TANK: variants seen among roughly 807,000 people sequenced by gnomAD.
The protein encoded by TANK is TRAF family member-associated NF-kappa-B activator.
TANK carries 15 observed loss-of-function variants against 43.6 expected under a neutral mutation model. The ratio of observed to expected loss-of-function variants is 0.34; its 90% CI spans 0.23 to 0.53. The LOEUF is 0.53. Ranked by LOEUF, TANK falls within the 20% of genes least tolerant of loss-of-function variation. TANK has a pLI of 0.94. For missense variants in TANK, 417 were observed against 498.6 expected, an observed-to-expected ratio of 0.84 and a Z score of 1.56; for synonymous variants, 162 against 178.2, an observed-to-expected ratio of 0.91 and a Z score of 0.73.
In TANK at chr2:161,209,976, T is replaced by G. The variant is rs1463719147; in HGVS notation, c.327+5183T>G. ...GTTTATGTGTTCTCATGTCTATATA[T>G]TTCTAATTTGTTCTTTAAACATGTC... is the stretch of plus-strand genomic sequence containing the variant. On this transcript the variant is annotated intron_variant, in intron 4 of 7. Transcript: ENST00000392749. Among the ~76,000 whole-genome samples the G allele has an allele frequency of 2.6e-5, 4 of 152,216 alleles. No homozygotes were observed. The East Asian group carries it at 7.7e-4, about 29-fold the overall frequency.
chr2:161,143,786 G>A (rs1230939643), intron 1 of TANK, among the ~76,000 whole-genome samples: 1 of 151,980 alleles, frequency 6.6e-6, no homozygotes, highest in Non-Finnish European at 1.5e-5. Context: ...TTTTTTTGTT[G>A]TGTCTCTGCC....
chr2:161,159,034 A>G (rs1230589792), upstream of TANK: 1 of 152,226 alleles, frequency 6.6e-6, no homozygotes, highest in African/African-American at 2.4e-5. Flanking sequence ...AATCCAGAAC[A>G]CTTACAACAC....
intron 2 of TANK, among the ~76,000 whole-genome samples, chr2:161,192,734 C>T (rs181108013): frequency 6.6e-6 from 1 of 152,316 alleles, no homozygotes; most frequent in East Asian, 1.9e-4. Flanking sequence ...GGAAAATTAA[C>T]ATTTAATGAA....
At chr2:161,212,077 T>A in intron 4 of TANK, 1 of 743,254 alleles carries the variant, frequency 1.3e-6, no homozygotes, top group South Asian at 6.2e-5. Context: ...TTTTTTTTTT[T>A]TGAGACAGGG....
intron 4 of TANK, among the ~76,000 whole-genome samples, chr2:161,205,884 A>G (rs1239984248): frequency 1.3e-5 from 2 of 152,052 alleles, no homozygotes; most frequent in Non-Finnish European, 2.9e-5. Flanking sequence ...GCTCACTGCA[A>G]CCTCCACCTC....
At position 161,182,917 on chromosome 2, in the gene TANK, G is replaced by C. The variant is rs116527900; in HGVS notation, c.99+3156G>C. Among the ~76,000 whole-genome samples the C allele has an allele frequency of 5.1e-3, 783 of 152,250 alleles. 7 individuals carry two copies. The highest frequency in any genetic ancestry group is 0.017 in the African/African-American group (724 of 41,552). ...GAGTCCTGTCTTCAGCAAGTGAGAG[G>C]AGGGCAGGAGAAGGTTAGAGAGACT... On this transcript the variant is annotated intron_variant, in intron 2 of 7. Coordinates refer to ENST00000392749, the MANE Select transcript of TANK (RefSeq NM_001199135.3).
intron 5 of TANK, 34 bp from the exon 6 acceptor site, chr2:161,224,597 C>A: frequency 1.9e-6 from 2 of 1,080,670 alleles, no homozygotes; most frequent in Non-Finnish European, 2.7e-6. Flanking sequence ...GAAGTTATAG[C>A]TTTACATTTT....
At chr2:161,140,357 C>T (rs1465352387) in intron 1 of TANK, among the ~76,000 whole-genome samples, 2 of 152,064 alleles carry the variant, frequency 1.3e-5, no homozygotes, top group Non-Finnish European at 1.5e-5. Context: ...TTAGAAATTA[C>T]TCTTTTTAAA....
chr2:161,223,616 T>G (rs989639515), intron 4 of TANK: 3 of 199,118 alleles, frequency 1.5e-5, no homozygotes, highest in Non-Finnish European at 3.0e-5. Context: ...AGAGCAGCAA[T>G]TTTGATCAAT....
chr2:161,183,274 A>AT (rs368333534), intron 2 of TANK, among the ~76,000 whole-genome samples: 369 of 152,328 alleles, frequency 2.4e-3, no homozygotes, highest in African/African-American at 8.3e-3. Flanking sequence ...GTAAGTCTTC[A>AT]TTAGGGGTGG....
At chr2:161,137,966 C>CA (rs956166576) in intron 1 of TANK, 3,530 of 520,576 alleles carry the variant, frequency 6.8e-3, no homozygotes, top group Non-Finnish European at 7.8e-3. Flanking sequence ...AACTCCGTCT[C>CA]AAAAAAAAAA....
intron 1 of TANK, chr2:161,160,830 G>A (rs1684391892): frequency 1.9e-6 from 1 of 532,908 alleles, no homozygotes; most frequent in Admixed American, 2.3e-5. Flanking sequence ...GAGGTGAGCA[G>A]TGGACCCTCC....
upstream of TANK, chr2:161,160,208 C>T (rs925678750): frequency 1.6e-5 from 6 of 386,862 alleles, no homozygotes; most frequent in Admixed American, 1.4e-4. Context: ...GATTCTCTTC[C>T]GCTGCTGACG....
At chr2:161,180,055 GA>G (rs1685351639) in intron 2 of TANK, 2 of 1,034,858 alleles carry the variant, frequency 1.9e-6, no homozygotes, top group Non-Finnish European at 1.2e-6. Flanking sequence ...AAATAAGGAG[GA>G]AATAACTATA....
At chr2:161,149,807 A>G (rs1419058292) in intron 1 of TANK, among the ~76,000 whole-genome samples, 1 of 151,392 alleles carries the variant, frequency 6.6e-6, no homozygotes, top group African/African-American at 2.4e-5. Context: ...TCTTATGTTG[A>G]ACCACCCTTG....
At chr2:161,197,175 T>A (rs574246927) in intron 2 of TANK, among the ~76,000 whole-genome samples, 1 of 152,362 alleles carries the variant, frequency 6.6e-6, no homozygotes, top group East Asian at 1.9e-4. Flanking sequence ...ATTATTTTTG[T>A]TCTGTTGGTG....
chr2:161,165,312 G>T (rs968710054), intron 1 of TANK, among the ~76,000 whole-genome samples: 2 of 152,144 alleles, frequency 1.3e-5, no homozygotes, highest in African/African-American at 4.8e-5. Flanking sequence ...ATAAGGGACA[G>T]AAGTTAGAGA....
At chr2:161,198,511 G>T (rs971628045) in intron 2 of TANK, among the ~76,000 whole-genome samples, 16 of 152,244 alleles carry the variant, frequency 1.1e-4, no homozygotes, top group African/African-American at 3.9e-4. Context: ...ACTAGGAATT[G>T]CCCTGATGGT....
intron 1 of TANK, among the ~76,000 whole-genome samples, chr2:161,172,781 C>T (rs932852078): frequency 2.0e-5 from 3 of 152,150 alleles, no homozygotes; most frequent in African/African-American, 4.8e-5. Flanking sequence ...TTGCTGCCCT[C>T]TTGTCTATTG....
Sources: allele counts gnomAD v4.1 joint callset (sites outside exome capture counted in the v4.1 genomes callset), GRCh38; gene constraint gnomAD v4.1.1; transcripts MANE v1.5; gene names NCBI Gene and HGNC (gene_info 2026-07-23, HGNC 2026-07-21).